The following NEGR1 variants were observed in gnomAD, a reference collection of about 807,000 sequenced individuals.
The protein encoded by NEGR1 is IgLON family member 4.
NEGR1 carries 10 observed loss-of-function variants against 40.9 expected under a neutral mutation model. That is an observed-to-expected ratio of 0.24 (90% CI 0.15 to 0.42). The LOEUF (loss-of-function observed/expected upper bound fraction) is 0.42, where lower values mean the gene tolerates loss of function less well. Among genes scored for constraint, NEGR1 ranks in the 10% least tolerant of loss-of-function variants. NEGR1 has a pLI of 1.00. For missense variants in NEGR1, 352 were observed against 438.9 expected (o/e 0.80, Z 1.77); for synonymous variants, 185 against 166.8 (o/e 1.11, Z -0.84).
intron 1 of NEGR1, among the ~76,000 whole-genome samples, chr1:72,258,555 T>C (rs1655352734): frequency 3.9e-5 from 6 of 152,240 alleles, no homozygotes; most frequent in African/African-American, 1.4e-4. Flanking sequence ...AAATAAGCTA[T>C]TGACATTTAG....
chr1:71,999,787 T>A (rs547694608), intron 1 of NEGR1, among the ~76,000 whole-genome samples: 1 of 150,512 alleles, frequency 6.6e-6, no homozygotes, highest in Non-Finnish European at 1.5e-5. Context: ...ATGATGCTAC[T>A]GAGATTTTAA....
At chr1:71,797,041 G>T (rs915048441) in intron 2 of NEGR1, among the ~76,000 whole-genome samples, 7 of 152,140 alleles carry the variant, frequency 4.6e-5, no homozygotes, top group African/African-American at 1.4e-4. Context: ...TATCATTAAA[G>T]AGGAGAAGGA....
intron 1 of NEGR1, among the ~76,000 whole-genome samples, chr1:72,197,342 A>G (rs1194534217): frequency 1.3e-5 from 2 of 152,032 alleles, no homozygotes; most frequent in Non-Finnish European, 2.9e-5. Context: ...GGTTGCAAAT[A>G]TAGGTTTATT....
chr1:72,054,193 T>C (rs1647088769), intron 1 of NEGR1, among the ~76,000 whole-genome samples: 1 of 151,428 alleles, frequency 6.6e-6, no homozygotes, highest in South Asian at 2.1e-4. Context: ...AAGTAAATCA[T>C]CAGAGCTTTT....
chr1:71,816,961 A>G (rs78668720), intron 2 of NEGR1, among the ~76,000 whole-genome samples: 1 of 144,608 alleles, frequency 6.9e-6, no homozygotes, highest in African/African-American at 2.6e-5. Flanking sequence ...AAAAAAAAAA[A>G]TGACAAAAAC....
At chr1:71,498,211 A>C (rs749570899) in intron 6 of NEGR1, among the ~76,000 whole-genome samples, 4 of 151,352 alleles carry the variant, frequency 2.6e-5, no homozygotes, top group Non-Finnish European at 5.9e-5. Context: ...ATTCAGATTA[A>C]TTTTATAGCA....
At chr1:71,579,787 G>T (rs1411096037) in intron 6 of NEGR1, among the ~76,000 whole-genome samples, 1 of 152,002 alleles carries the variant, frequency 6.6e-6, no homozygotes, top group Non-Finnish European at 1.5e-5. Context: ...ATATATGAAT[G>T]CTTTTTATGA....
chr1:71,914,266 G>T (rs1661509440), intron 2 of NEGR1, among the ~76,000 whole-genome samples: 1 of 152,044 alleles, frequency 6.6e-6, no homozygotes, highest in African/African-American at 2.4e-5. Context: ...CTCATCTTGG[G>T]GCCAGCTTCT....
chr1:71,430,703 CTTTTTTTTTTTT>C (rs36111844), intron 6 of NEGR1, among the ~76,000 whole-genome samples: 1 of 71,790 alleles, frequency 1.4e-5, no homozygotes, highest in Non-Finnish European at 2.6e-5. Context: ...AAAAAAAGGC[CTTTTTTTTTTTT>C]TTTTTTTTTG....
intron 6 of NEGR1, among the ~76,000 whole-genome samples, chr1:71,545,057 A>T (rs1647841876): frequency 6.6e-6 from 1 of 151,650 alleles, no homozygotes; most frequent in Non-Finnish European, 1.5e-5. Flanking sequence ...ACTATTAATT[A>T]TTATATGCTG....
chr1:71,722,991 A>G (rs1460512049), intron 3 of NEGR1, among the ~76,000 whole-genome samples: 1 of 151,570 alleles, frequency 6.6e-6, no homozygotes, highest in Non-Finnish European at 1.5e-5. Flanking sequence ...TTTTATATAA[A>G]TGGAATCATA....
chr1:71,455,394 C>A (rs1434539133), intron 6 of NEGR1, among the ~76,000 whole-genome samples: 1 of 152,140 alleles, frequency 6.6e-6, no homozygotes, highest in East Asian at 1.9e-4. Flanking sequence ...TGTTCAAGTT[C>A]ATCCTGTAAG....
rs187222107 is a variant in NEGR1 at position 71,693,575 on chromosome 1, G to A, written c.667+4433C>T. The stretch of plus-strand genomic sequence containing the variant: ...ATACATTTACAAATATATATAAATA[G>A]GGTATTATTGCCCTGAATTTACAGA... On this transcript the variant is annotated intron_variant, in intron 4 of 6. Coordinates refer to ENST00000357731, the MANE Select transcript of NEGR1 (RefSeq NM_173808.3). Among the ~76,000 whole-genome samples the A allele has an allele frequency of 1.1e-3, 162 of 151,494 alleles. 1 individual carries two copies. The highest frequency in any genetic ancestry group is 3.8e-3 in the African/African-American group (158 of 41,434).
At chr1:72,219,444 T>G (rs1653937862) in intron 1 of NEGR1, among the ~76,000 whole-genome samples, 1 of 152,088 alleles carries the variant, frequency 6.6e-6, no homozygotes, top group Admixed American at 6.6e-5. Flanking sequence ...TTCTTTACAG[T>G]GCCAAGGCAA....
At chr1:72,258,479 T>TAA (rs1655349565) in intron 1 of NEGR1, among the ~76,000 whole-genome samples, 1 of 152,128 alleles carries the variant, frequency 6.6e-6, no homozygotes, top group South Asian at 2.1e-4. Context: ...ATCGCTGACT[T>TAA]AGAGTGAAAA....
chr1:71,551,390 T>C (rs1279098075), intron 6 of NEGR1, among the ~76,000 whole-genome samples: 1 of 151,626 alleles, frequency 6.6e-6, no homozygotes, highest in Non-Finnish European at 1.5e-5. Context: ...CAGACAGCCA[T>C]ACATGTACAT....
At chr1:71,653,361 ACTTTT>A (rs1225877907) in intron 4 of NEGR1, among the ~76,000 whole-genome samples, 2 of 152,218 alleles carry the variant, frequency 1.3e-5, no homozygotes, top group African/African-American at 2.4e-5. Flanking sequence ...ATGTGCACAA[ACTTTT>A]CTTTTCTAAA....
At chr1:71,640,786 T>A (rs1333428207) in intron 4 of NEGR1, among the ~76,000 whole-genome samples, 1 of 151,942 alleles carries the variant, frequency 6.6e-6, no homozygotes, top group Non-Finnish European at 1.5e-5. Context: ...AGTGACCAAA[T>A]ATCTTCTCTA....
intron 3 of NEGR1, among the ~76,000 whole-genome samples, chr1:71,759,442 C>T (rs1405503497): frequency 2.0e-5 from 3 of 150,228 alleles, no homozygotes; most frequent in Non-Finnish European, 4.4e-5. Flanking sequence ...GAATTACAGG[C>T]GCATGCCGCC....
Sources: allele counts gnomAD v4.1 joint callset (sites outside exome capture counted in the v4.1 genomes callset), GRCh38; gene constraint gnomAD v4.1.1; transcripts MANE v1.5; gene names NCBI Gene and HGNC (gene_info 2026-07-23, HGNC 2026-07-21).